Variants in CSMD3 observed in about 807,000 individuals in gnomAD.
The protein encoded by CSMD3 is CUB and Sushi multiple domains 3.
A neutral mutation model predicts 435.2 loss-of-function variants in CSMD3; 177 were observed. The observed-to-expected ratio is 0.41, with a 90% CI of 0.36 to 0.46. The LOEUF (loss-of-function observed/expected upper bound fraction) is 0.46, where lower values mean the gene tolerates loss of function less well. Ranked by LOEUF, CSMD3 falls within the 20% of genes least tolerant of loss-of-function variation. CSMD3 has a pLI of 0.34. For missense variants in CSMD3, 4,265 were observed against 4,504.6 expected (o/e 0.95, Z 1.52); for synonymous variants, 1,656 against 1,520.5 (o/e 1.09, Z -2.07).
chr8:113,047,462 A>C (rs1420350116), intron 5 of CSMD3, among the ~76,000 whole-genome samples: 1 of 152,248 alleles, frequency 6.6e-6, no homozygotes, highest in Non-Finnish European at 1.5e-5. Context: ...AACCACATAG[A>C]CAGTATATTA....
intron 23 of CSMD3, among the ~76,000 whole-genome samples, chr8:112,573,867 T>C (rs1423888250): frequency 6.6e-6 from 1 of 151,976 alleles, no homozygotes; most frequent in Non-Finnish European, 1.5e-5. Flanking sequence ...AAGCTTAGTG[T>C]ACTTTAAGTA....
intron 5 of CSMD3, among the ~76,000 whole-genome samples, chr8:113,065,556 T>A (rs1411116260): frequency 6.6e-6 from 1 of 151,932 alleles, no homozygotes; most frequent in African/African-American, 2.4e-5. Flanking sequence ...CTGGCTAATT[T>A]TTTTTGTATT....
intron 1 of CSMD3, among the ~76,000 whole-genome samples, chr8:113,360,610 G>A (rs541140949): frequency 1.9e-3 from 224 of 120,300 alleles, no homozygotes; most frequent in African/African-American, 6.9e-3. Context: ...GTCTCGCTCT[G>A]TCGCCCAGGC....
At chr8:112,935,605 T>A (rs1211515623) in intron 9 of CSMD3, among the ~76,000 whole-genome samples, 2 of 152,022 alleles carry the variant, frequency 1.3e-5, no homozygotes, top group East Asian at 1.9e-4. Context: ...TCTCTCACCT[T>A]TTTTGTTAAA....
At chr8:112,417,026 T>C (rs887112558) in intron 32 of CSMD3, among the ~76,000 whole-genome samples, 2 of 152,096 alleles carry the variant, frequency 1.3e-5, no homozygotes, top group Admixed American at 6.6e-5. Flanking sequence ...AGAAGGATAG[T>C]GCCAAATTAA....
intron 32 of CSMD3, among the ~76,000 whole-genome samples, chr8:112,449,970 C>T (rs1233986233): frequency 3.9e-5 from 6 of 152,116 alleles, no homozygotes; most frequent in African/African-American, 9.7e-5. Context: ...CTTATCCACC[C>T]GCCTCAGACT....
chr8:112,710,969 C>T (rs2076598091), intron 13 of CSMD3, among the ~76,000 whole-genome samples: 1 of 151,858 alleles, frequency 6.6e-6, no homozygotes, highest in South Asian at 2.1e-4. Context: ...AGCCAAAGCC[C>T]AGCCAGCCAA....
chr8:112,755,065 C>T (rs1232470665), intron 13 of CSMD3, among the ~76,000 whole-genome samples: 1 of 152,084 alleles, frequency 6.6e-6, no homozygotes, highest in African/African-American at 2.4e-5. Flanking sequence ...GGCGAGGTGG[C>T]TCACGCCTGT....
chr8:112,563,240 A>G (rs1055996621), intron 24 of CSMD3, among the ~76,000 whole-genome samples: 1 of 151,866 alleles, frequency 6.6e-6, no homozygotes, highest in Admixed American at 6.6e-5. Context: ...CACTAATCAA[A>G]CTATACAAAA....
In CSMD3 at chr8:113,008,027, G is replaced by A. The variant is rs372843380; in HGVS notation, c.1030+11040C>T. Among the ~76,000 whole-genome samples the A allele has an allele frequency of 5.3e-5, 8 of 151,304 alleles. 1 individual carries two copies. In the East Asian group the frequency reaches 5.8e-4, roughly 11 times the overall value. On this transcript the variant is annotated intron_variant, in intron 6 of 70. Coordinates refer to ENST00000297405, the MANE Select transcript of CSMD3 (RefSeq NM_198123.2). The stretch of plus-strand genomic sequence containing the variant: ...AATATCTTCTCAGAACCTTTTTGGC[G>A]GGGAAAAGACCTGTGCTACTTGTCT...
At position 113,271,453 on chromosome 8, in the gene CSMD3, A is replaced by T. The variant is rs62519855; in HGVS notation, c.514+7139T>A. On this transcript the variant is annotated intron_variant, in intron 3 of 70. Transcript: ENST00000297405. ...CGTCCCAGCTGCTCCACCTGTTGCT[A>T]AAAGGGGCCAAGGTACAGCTCGGGC... Among the ~76,000 whole-genome samples the T allele has an allele frequency of 4.7e-3, 715 of 152,204 alleles. 1 individual carries two copies. Among genetic ancestry groups the T allele is most frequent in the Non-Finnish European group, 7.4e-3 (500 of 67,986 alleles).
chr8:112,385,040 T>C (rs939940055), intron 36 of CSMD3, among the ~76,000 whole-genome samples: 2 of 152,190 alleles, frequency 1.3e-5, no homozygotes, highest in Non-Finnish European at 2.9e-5. Flanking sequence ...CTAGATTTAG[T>C]GGACCATGAG....
At chr8:112,454,104 T>G (rs1816576961) in intron 32 of CSMD3, among the ~76,000 whole-genome samples, 1 of 152,204 alleles carries the variant, frequency 6.6e-6, no homozygotes. Flanking sequence ...TCACTCAAGA[T>G]GGATTAAAGA....
chr8:112,861,093 C>T (rs1377414054), intron 10 of CSMD3, among the ~76,000 whole-genome samples: 1 of 151,804 alleles, frequency 6.6e-6, no homozygotes, highest in East Asian at 1.9e-4. Context: ...ATATACTCCT[C>T]GAGGTCTATT....
chr8:112,617,620 G>T (rs1359561713), intron 22 of CSMD3, among the ~76,000 whole-genome samples: 1 of 152,118 alleles, frequency 6.6e-6, no homozygotes, highest in Non-Finnish European at 1.5e-5. Context: ...ATTATTTTAA[G>T]AAAGAAATTC....
intron 22 of CSMD3, among the ~76,000 whole-genome samples, chr8:112,634,906 T>C (rs2074614460): frequency 2.0e-5 from 3 of 151,902 alleles, no homozygotes; most frequent in South Asian, 2.1e-4. Flanking sequence ...TACAAAAAAA[T>C]CATAGTGCTA....
intron 42 of CSMD3, among the ~76,000 whole-genome samples, chr8:112,339,183 C>G (rs1049912770): frequency 6.6e-6 from 1 of 151,856 alleles, no homozygotes; most frequent in African/African-American, 2.4e-5. Context: ...GATTGCAGGC[C>G]GAGTCCTCGT....
At chr8:112,492,794 G>A in intron 30 of CSMD3, 111 bp from the exon 31 acceptor site, 1 of 884,110 alleles carries the variant, frequency 1.1e-6, no homozygotes, top group Non-Finnish European at 1.9e-6. Context: ...AAAATATTTG[G>A]AAAAAACTGT....
chr8:113,304,921 A>T (rs1563676369), intron 2 of CSMD3, among the ~76,000 whole-genome samples: 1 of 149,314 alleles, frequency 6.7e-6, no homozygotes, highest in African/African-American at 2.5e-5. Flanking sequence ...TAATAAAAAA[A>T]AAAAAAAAAG....
Sources: allele counts gnomAD v4.1 joint callset (sites outside exome capture counted in the v4.1 genomes callset), GRCh38; gene constraint gnomAD v4.1.1; transcripts MANE v1.5; gene names NCBI Gene and HGNC (gene_info 2026-07-23, HGNC 2026-07-21).